Variants in CDC14B observed in about 807,000 individuals in gnomAD.
The protein encoded by CDC14B is dual specificity protein phosphatase CDC14B.
A neutral mutation model predicts 64.2 loss-of-function variants in CDC14B; 22 were observed. The observed-to-expected ratio is 0.34, with a 90% confidence interval of 0.24 to 0.49. The LOEUF (loss-of-function observed/expected upper bound fraction) is 0.49. Ranked by LOEUF, CDC14B falls within the 20% of genes least tolerant of loss-of-function variation. The probability of loss-of-function intolerance (pLI) is 0.99; values close to 1 mark genes in which losing one functional copy is unlikely to be tolerated. For missense variants in CDC14B, 498 were observed against 629.9 expected (o/e 0.79, Z 2.24); for synonymous variants, 191 against 215.8 (o/e 0.89, Z 1.01).
Position 96,502,792 on chromosome 9 carries a change from G to GT in CDC14B, c.*960dup. ...TCGCAGGCCACGTCAATGGCCTTAG[G>GT]TGGATCTCATAAGGGAAAAAAAAAA... On this transcript the variant is annotated 3_prime_UTR_variant, in exon 14 of 14. Coordinates refer to ENST00000375241, the MANE Select transcript of CDC14B (RefSeq NM_033331.4). 2.5e-6 allele frequency: 1 copy of GT among 397,918 alleles called. No individual in the cohort carries two copies. The highest frequency in any genetic ancestry group is 4.4e-6 in the Non-Finnish European group (1 of 225,782). 24.6% of individuals were successfully genotyped at this position (397,918 alleles called of 1,614,324 possible). A position where few individuals can be genotyped will look rare whatever the true frequency, so the allele number is the denominator to read the frequency against.
At chr9:96,514,100 C>T (rs1835282757) in intron 12 of CDC14B, among the ~76,000 whole-genome samples, 1 of 152,202 alleles carries the variant, frequency 6.6e-6, no homozygotes, top group Non-Finnish European at 1.5e-5. Context: ...GAACTGAATA[C>T]TCTGCTTGGG....
At chr9:96,505,247 T>C (rs1587719633) in intron 13 of CDC14B, among the ~76,000 whole-genome samples, 1 of 148,792 alleles carries the variant, frequency 6.7e-6, no homozygotes, top group African/African-American at 2.5e-5. Flanking sequence ...GCCCCCACAA[T>C]ATGAAGAATT....
In CDC14B at chr9:96,515,003, T is replaced by A; in HGVS notation, c.1344-5214A>T. Reference sequence around the variant, plus strand: ...ACCATCATATGGAAATGCACCAATTTAAACAGGCGACCTCAGCTCCGACCT... The same window carrying A: ...ACCATCATATGGAAATGCACCAATTAAAACAGGCGACCTCAGCTCCGACCT... On this transcript the variant is annotated intron_variant, in intron 12 of 13. Transcript: ENST00000375241. The surrounding 1 kb of genome is among the most constrained non-coding windows in gnomAD (Gnocchi z 4.3). The A allele has an allele frequency of 1.2e-6, 1 of 836,126 alleles. No individual in the cohort carries two copies. The highest frequency in any genetic ancestry group is 1.4e-6 in the Non-Finnish European group (1 of 693,970). The allele number at this position is 836,126 out of a possible 1,614,324, so 51.8% of individuals were successfully genotyped here.
At chr9:96,560,028 CT>C (rs1842949822) in intron 4 of CDC14B, among the ~76,000 whole-genome samples, 2 of 152,286 alleles carry the variant, frequency 1.3e-5, no homozygotes, top group South Asian at 4.1e-4. Flanking sequence ...AGCAACAAGA[CT>C]TAAAAAGAGT....
chr9:96,570,723 G>GA (rs375723217), intron 1 of CDC14B, among the ~76,000 whole-genome samples: 310 of 152,328 alleles, frequency 2.0e-3, no homozygotes, highest in African/African-American at 6.3e-3. Context: ...AACCAACGAT[G>GA]ATGGAGAGTT....
intron 3 of CDC14B, among the ~76,000 whole-genome samples, chr9:96,563,598 C>T (rs932487045): frequency 6.7e-6 from 1 of 149,780 alleles, no homozygotes; most frequent in African/African-American, 2.5e-5. Context: ...TATAGTGAGC[C>T]CAGATTGCTC....
At position 96,564,772 on chromosome 9, in the gene CDC14B, T is replaced by C. The variant is rs1226823930; in HGVS notation, c.327+5A>G. ...ATTACTTAAGTCAAATCTTAAAGAC[T>C]TTACCTTTAATTTCTTATTGATCTT... On this transcript the variant is annotated splice_donor_5th_base_variant and intron_variant, in intron 3 of 13. Transcript: ENST00000375241. The C allele has an allele frequency of 6.4e-7, 1 of 1,565,034 alleles. No homozygotes were observed. The highest frequency in any genetic ancestry group is 8.7e-7 in the Non-Finnish European group (1 of 1,145,014).
chr9:96,595,032 C>T (rs554308367), intron 1 of CDC14B, among the ~76,000 whole-genome samples: 7 of 151,944 alleles, frequency 4.6e-5, no homozygotes, highest in African/African-American at 1.7e-4. Flanking sequence ...TGCCTGTAGT[C>T]CCAGCTTACT....
At chr9:96,541,273 C>T (rs1301564845) in intron 6 of CDC14B, among the ~76,000 whole-genome samples, 1 of 152,226 alleles carries the variant, frequency 6.6e-6, no homozygotes, top group Non-Finnish European at 1.5e-5. Flanking sequence ...TGGTTATGAC[C>T]CAAGGAATCA....
intron 5 of CDC14B, among the ~76,000 whole-genome samples, chr9:96,550,981 G>A (rs1841718351): frequency 6.6e-6 from 1 of 151,964 alleles, no homozygotes; most frequent in African/African-American, 2.4e-5. Context: ...GGTTCATTTT[G>A]GTCCCAGAAA....
chr9:96,496,753 C>T (rs1833263880), downstream of CDC14B, among the ~76,000 whole-genome samples: 1 of 152,252 alleles, frequency 6.6e-6, no homozygotes, highest in African/African-American at 2.4e-5. Flanking sequence ...GGAGCCCGTC[C>T]CGCGCCCTCC....
chr9:96,617,862 G>C (rs1278001941), intron 1 of CDC14B, among the ~76,000 whole-genome samples: 3 of 152,114 alleles, frequency 2.0e-5, no homozygotes, highest in Admixed American at 6.5e-5. Context: ...AACAATAACG[G>C]GCAGAAACTA....
intron 9 of CDC14B, among the ~76,000 whole-genome samples, chr9:96,531,465 G>GT (rs1838472569): frequency 6.6e-6 from 1 of 152,000 alleles, no homozygotes; most frequent in Non-Finnish European, 1.5e-5. Flanking sequence ...TATTTCTGTA[G>GT]TATCAGTGGT....
At chr9:96,513,146 T>C (rs1835144204) in intron 12 of CDC14B, among the ~76,000 whole-genome samples, 1 of 152,324 alleles carries the variant, frequency 6.6e-6, no homozygotes, top group South Asian at 2.1e-4. Context: ...AGTGAACTAA[T>C]ATAATAATAA....
At chr9:96,533,659 C>T (rs1322376777) in intron 9 of CDC14B, among the ~76,000 whole-genome samples, 3 of 152,098 alleles carry the variant, frequency 2.0e-5, no homozygotes, top group Non-Finnish European at 2.9e-5. Context: ...TTACAGTCTA[C>T]GCTACTCATT....
intron 1 of CDC14B, among the ~76,000 whole-genome samples, chr9:96,583,703 G>A (rs1241415529): frequency 6.6e-6 from 1 of 150,864 alleles, no homozygotes; most frequent in Admixed American, 6.6e-5. Context: ...GCCTGGTTGT[G>A]AGGATTTCTT....
rs1184254241 is a variant in CDC14B, at chr9:96,503,451, C to T, written c.*302G>A. Reference sequence around the variant, plus strand: ...GATTGCCATCACAGGGACACACATGCACCACAGACCAGCCAGCTCCCTGGG... The same window carrying T: ...GATTGCCATCACAGGGACACACATGTACCACAGACCAGCCAGCTCCCTGGG... On this transcript the variant is annotated 3_prime_UTR_variant, in exon 14 of 14. Transcript: ENST00000375241. 1.1e-5 allele frequency: 4 copies of T among 376,230 alleles called. No homozygotes were observed. Among genetic ancestry groups the T allele is most frequent in the Admixed American group, 9.1e-5 (2 of 21,858 alleles). 23.3% of individuals were successfully genotyped at this position (376,230 alleles called of 1,614,324 possible). A position where few individuals can be genotyped will look rare whatever the true frequency, so the allele number is the denominator to read the frequency against.
At chr9:96,562,591 G>T in intron 4 of CDC14B, 102 bp downstream of exon 4, 1 of 813,680 alleles carries the variant, frequency 1.2e-6, no homozygotes, top group Non-Finnish European at 2.1e-6. Context: ...TCTTTCTGAA[G>T]AGAAATCAAG....
At chr9:96,589,643 G>GT in intron 1 of CDC14B, among the ~76,000 whole-genome samples, 1 of 152,232 alleles carries the variant, frequency 6.6e-6, no homozygotes, top group African/African-American at 2.4e-5. Flanking sequence ...AGAAATAGAT[G>GT]TAACACCGAG....
Sources: gnomAD v4.1 joint callset for allele counts (sites outside exome capture counted in the v4.1 genomes callset) on GRCh38, gnomAD v4.1.1 for gene constraint, Gnocchi (gnomAD v3.1) non-coding constraint, MANE v1.5 for transcripts, NCBI Gene and HGNC (gene_info 2026-07-23, HGNC 2026-07-21) for gene names.